Variants in SYT2 observed in about 807,000 individuals in gnomAD.
The protein encoded by SYT2 is synaptotagmin 2, also known as synaptotagmin-2.
Under a neutral mutation model 39.9 loss-of-function variants are expected in SYT2, and 15 were observed. The ratio of observed to expected loss-of-function variants is 0.38; its 90% CI spans 0.25 to 0.58. SYT2 has a LOEUF of 0.58. SYT2 is among the 20% of genes least tolerant of loss of function. The probability of loss-of-function intolerance (pLI) is 0.70; values close to 1 mark genes in which losing one functional copy is unlikely to be tolerated. For missense variants in SYT2, 389 were observed against 530.3 expected, an observed-to-expected ratio of 0.73 and a Z score of 2.62; for synonymous variants, 181 against 204.5, an observed-to-expected ratio of 0.89 and a Z score of 0.98.
chr1:202,637,705 G>C (rs1218910825), intron 1 of SYT2, among the ~76,000 whole-genome samples: 2 of 152,256 alleles, frequency 1.3e-5, no homozygotes, highest in Non-Finnish European at 2.9e-5. Flanking sequence ...GGGCTGGCTG[G>C]GCTGAGGCCA....
At chr1:202,626,212 G>T (rs1295799248) in intron 1 of SYT2, among the ~76,000 whole-genome samples, 3 of 152,028 alleles carry the variant, frequency 2.0e-5, no homozygotes, top group Admixed American at 6.6e-5. Context: ...CAGCCTCGGG[G>T]TTGGAAGAGA....
chr1:202,673,380 T>C (rs1474908634), intron 1 of SYT2, among the ~76,000 whole-genome samples: 3 of 152,178 alleles, frequency 2.0e-5, no homozygotes, highest in Admixed American at 6.5e-5. Flanking sequence ...CTCAGTTACA[T>C]TGCAGGAAAG....
At chr1:202,621,839 C>G (rs1475381350) in intron 1 of SYT2, among the ~76,000 whole-genome samples, 2 of 152,208 alleles carry the variant, frequency 1.3e-5, no homozygotes, top group Admixed American at 1.3e-4. Context: ...TTGGTGTGCC[C>G]CCAAATGAGA....
intron 1 of SYT2, among the ~76,000 whole-genome samples, chr1:202,606,816 A>T (rs2149073257): frequency 6.6e-6 from 1 of 152,302 alleles, no homozygotes; most frequent in East Asian, 1.9e-4. Flanking sequence ...CTCCAAAGTC[A>T]ACTAGCATTT....
At chr1:202,652,043 T>C (rs1054302615) in intron 1 of SYT2, among the ~76,000 whole-genome samples, 1 of 152,098 alleles carries the variant, frequency 6.6e-6, no homozygotes, top group Non-Finnish European at 1.5e-5. Context: ...GGTGACAGAG[T>C]GAGACTCCGT....
chr1:202,691,680 C>T (rs1462506705), intron 1 of SYT2, among the ~76,000 whole-genome samples: 19 of 73,106 alleles, frequency 2.6e-4, no homozygotes, highest in Admixed American at 3.5e-4. Context: ...GGGGAGGGAG[C>T]GAGGGGGAGA....
Position 202,644,902 on chromosome 1 carries a change from A to G in SYT2, c.-17-39113T>C, listed in dbSNP as rs903541325. Among the ~76,000 whole-genome samples, 39 of 151,984 alleles carry G rather than the reference A, an allele frequency of 2.6e-4. 1 individual carries two copies. Among genetic ancestry groups the G allele is most frequent in the Non-Finnish European group, 1.5e-5 (1 of 67,998 alleles). On this transcript the variant is annotated intron_variant, in intron 1 of 8. Coordinates refer to ENST00000367268, the MANE Select transcript of SYT2 (RefSeq NM_177402.5). ...AAGCCGGGGACTGAAGTGCTGCAGC[A>G]CCCGCTGCTCCTGGCCGGGCTGGAG...
intron 1 of SYT2, among the ~76,000 whole-genome samples, chr1:202,679,951 G>A (rs931226282): frequency 2.0e-5 from 3 of 152,040 alleles, no homozygotes; most frequent in Admixed American, 6.6e-5. Context: ...TTCATCAAAC[G>A]ACCTCTACTC....
intron 1 of SYT2, among the ~76,000 whole-genome samples, chr1:202,633,226 G>A (rs2149092209): frequency 6.6e-6 from 1 of 152,150 alleles, no homozygotes; most frequent in South Asian, 2.1e-4. Flanking sequence ...AATATGCTGG[G>A]CACCCACTGG....
At chr1:202,639,428 G>T in intron 1 of SYT2, 1 of 897,210 alleles carries the variant, frequency 1.1e-6, no homozygotes, top group Non-Finnish European at 1.3e-6. Flanking sequence ...CGCTGGGCTT[G>T]GAGCTCCCCC....
chr1:202,692,009 T>C (rs1260104130), intron 1 of SYT2, among the ~76,000 whole-genome samples: 2 of 152,048 alleles, frequency 1.3e-5, no homozygotes. Context: ...TCTGGAGAGC[T>C]GCCAGTCTCT....
chr1:202,667,936 C>T (rs1008559849), intron 1 of SYT2, among the ~76,000 whole-genome samples: 9 of 152,180 alleles, frequency 5.9e-5, no homozygotes, highest in African/African-American at 2.2e-4. Flanking sequence ...TGGTCTCGAA[C>T]TCCTGACCTC....
At chr1:202,597,256 C>T (rs1373038485) in intron 8 of SYT2, among the ~76,000 whole-genome samples, 1 of 152,156 alleles carries the variant, frequency 6.6e-6, no homozygotes, top group African/African-American at 2.4e-5. Context: ...AATTTCACTT[C>T]CTCAATGAGA....
At chr1:202,707,455 T>G (rs1369228467) in intron 1 of SYT2, among the ~76,000 whole-genome samples, 1 of 152,130 alleles carries the variant, frequency 6.6e-6, no homozygotes, top group East Asian at 1.9e-4. Context: ...GGACCTTCAG[T>G]GGTGGGGATA....
intron 1 of SYT2, among the ~76,000 whole-genome samples, chr1:202,708,794 C>A: frequency 6.6e-6 from 1 of 152,214 alleles, no homozygotes; most frequent in East Asian, 1.9e-4. Context: ...CACTCGGGCC[C>A]GCCTTTGGGG....
In SYT2 at chr1:202,612,079, C is replaced by T. The variant is rs565872887; in HGVS notation, c.-17-6290G>A. On this transcript the variant is annotated intron_variant, in intron 1 of 8. Transcript: ENST00000367268. ...TTTCTACAATCCACTTTGAGTATGGCGTAAGGAAGGGGTTCACATTCATTC... is the reference window on the plus strand; with the variant it reads ...TTTCTACAATCCACTTTGAGTATGGTGTAAGGAAGGGGTTCACATTCATTC... Among the ~76,000 whole-genome samples the T allele has an allele frequency of 3.0e-4, 45 of 152,232 alleles. No homozygotes were observed. The Middle Eastern group carries it at 0.017, about 58-fold the overall frequency.
At chr1:202,677,518 C>A (rs1271226258) in intron 1 of SYT2, among the ~76,000 whole-genome samples, 2 of 152,190 alleles carry the variant, frequency 1.3e-5, no homozygotes, top group African/African-American at 4.8e-5. Context: ...GGCCCACAGT[C>A]CCCACTGAAT....
At chr1:202,633,036 G>T (rs903898989) in intron 1 of SYT2, 2 of 152,254 alleles carry the variant, frequency 1.3e-5, no homozygotes, top group African/African-American at 4.8e-5. Context: ...CCAAGGAAAA[G>T]TTTACAGGAT....
At chr1:202,642,866 G>A (rs1002600432) in intron 1 of SYT2, among the ~76,000 whole-genome samples, 3 of 152,202 alleles carry the variant, frequency 2.0e-5, no homozygotes, top group African/African-American at 7.2e-5. Context: ...CCTTCCCACG[G>A]CTTCTCTGCG....
Sources: gnomAD v4.1 joint callset for allele counts (sites outside exome capture counted in the v4.1 genomes callset) on GRCh38, gnomAD v4.1.1 for gene constraint, MANE v1.5 for transcripts, NCBI Gene and HGNC (gene_info 2026-07-23, HGNC 2026-07-21) for gene names.